The following FJX1 variants were observed in gnomAD, a reference collection of about 807,000 sequenced individuals.
FJX1 encodes the protein four-jointed box protein 1.
Under a neutral mutation model 28.7 loss-of-function variants are expected in FJX1, and 21 were observed. The observed-to-expected ratio is 0.73, with a 90% CI of 0.52 to 1.05. The LOEUF (loss-of-function observed/expected upper bound fraction) is 1.05, where lower values mean the gene tolerates loss of function less well. Ranked by LOEUF, FJX1 falls within the 50% of genes least tolerant of loss-of-function variation. The probability of loss-of-function intolerance (pLI) is 0.00; values close to 1 mark genes in which losing one functional copy is unlikely to be tolerated. For synonymous variants in FJX1, 363 were observed against 310.0 expected (o/e 1.17, Z -1.80); for missense variants, 683 against 647.2 (o/e 1.06, Z -0.60).
Position 35,619,121 on chromosome 11 carries a change from G to A in FJX1, c.485G>A (p.Gly162Glu). Reference sequence around the variant, plus strand: ...GTGGCCCTGGAGCGCGGGGGTTGCGGGCGCAGCTCCAACCGACTGGCCCGT... The same window carrying A: ...GTGGCCCTGGAGCGCGGGGGTTGCGAGCGCAGCTCCAACCGACTGGCCCGT... ...RMVALERGGC[G>E]RSSNRLARFA... is the part of the protein sequence containing the mutation. Residue 162 changes from glycine to glutamate, a missense_variant, in exon 1 of 1, where the codon GGG becomes GAG. Transcript: ENST00000317811. The surrounding 1 kb of genome is among the most constrained non-coding windows in gnomAD (Gnocchi z 7.6). 1 of 1,541,750 alleles carries A rather than the reference G, an allele frequency of 6.5e-7. No homozygotes were observed. Among genetic ancestry groups the A allele is most frequent in the South Asian group, 1.2e-5 (1 of 83,726 alleles).
rs1018244515 is a variant in FJX1, at chr11:35,618,995, G to T, written c.359G>T (p.Gly120Val). ...PRPEESAAVH[G>V]GVFWSRGLEE... is the part of the protein sequence containing the mutation. ...CCGGAGGAGAGCGCCGCGGTGCACGGGGGCGTCTTCTGGAGCCGCGGCCTG... is the reference window on the plus strand; with the variant it reads ...CCGGAGGAGAGCGCCGCGGTGCACGTGGGCGTCTTCTGGAGCCGCGGCCTG... Residue 120 changes from glycine to valine, a missense_variant, in exon 1 of 1, where the codon GGG becomes GTG. Gly to Val is a moderately radical substitution (Grantham distance 109). Coordinates refer to ENST00000317811, the MANE Select transcript of FJX1 (RefSeq NM_014344.4). The surrounding 1 kb of genome is among the most constrained non-coding windows in gnomAD (Gnocchi z 4.2). 10 of 1,476,114 alleles carry T rather than the reference G, an allele frequency of 6.8e-6. No individual in the cohort carries two copies. The Admixed American group carries it at 9.9e-5, about 15-fold the overall frequency. 91.4% of individuals were successfully genotyped at this position (1,476,114 alleles called of 1,614,324 possible).
Position 35,618,919 on chromosome 11 carries a change from C to A in FJX1, c.283C>A (p.Arg95=), listed in dbSNP as rs745681719. The A allele has an allele frequency of 2.1e-6, 3 of 1,422,184 alleles. No homozygotes were observed. In the South Asian group the frequency reaches 4.3e-5, roughly 21 times the overall value. 88.1% of individuals were successfully genotyped at this position (1,422,184 alleles called of 1,614,324 possible). ...GGCGGCCGGCGCGGACGGCCCGCCC[C>A]GGCAGTCCCGGAGCGAGCCCAGGTG... The part of the protein sequence containing the change: ...TLAAGADGPP[R]QSRSEPRWHV... The change falls in exon 1 of 1, where the codon CGG becomes AGG. Residue 95 remains arginine (R), a synonymous_variant. Transcript: ENST00000317811. The surrounding 1 kb of genome is among the most constrained non-coding windows in gnomAD (Gnocchi z 4.2).
chr11:35,619,492 C>T lies in FJX1; in HGVS notation c.856C>T (p.Leu286=), dbSNP rs781345839. 9.4e-6 allele frequency: 15 copies of T among 1,599,380 alleles called. No individual in the cohort carries two copies. The highest frequency in any genetic ancestry group is 8.5e-7 in the Non-Finnish European group (1 of 1,179,744). Residue 286 remains leucine (L), a synonymous_variant, in exon 1 of 1, where the codon CTA becomes TTA. Coordinates refer to ENST00000317811, the MANE Select transcript of FJX1 (RefSeq NM_014344.4). The surrounding 1 kb of genome is among the most constrained non-coding windows in gnomAD (Gnocchi z 7.6). ...ANLSQAELVD[L]VQWTDLILFD... ...CCTCAGCCAGGCGGAGCTGGTGGAC[C>T]TAGTACAATGGACCGACTTAATCCT...
rs1432533951 is a variant in FJX1 at position 35,618,578 on chromosome 11, A to C, written c.-59A>C. ...CTGCCGGGCCCGCCTCGCCGCCGGG[A>C]CCCGGGTGCCTGGGCTCGGCTTGAA... is the stretch of plus-strand genomic sequence containing the variant. On this transcript the variant is annotated 5_prime_UTR_variant, in exon 1 of 1. Coordinates refer to ENST00000317811, the MANE Select transcript of FJX1 (RefSeq NM_014344.4). The surrounding 1 kb of genome is among the most constrained non-coding windows in gnomAD (Gnocchi z 4.2). The C allele has an allele frequency of 2.8e-6, 3 of 1,081,574 alleles. No homozygotes were observed. The highest frequency in any genetic ancestry group is 1.1e-6 in the Non-Finnish European group (1 of 894,094). The allele number at this position is 1,081,574 out of a possible 1,614,324, so 67.0% of individuals were successfully genotyped here.
Position 35,618,962 on chromosome 11 carries a change from A to T in FJX1, c.326A>T (p.Gln109Leu), listed in dbSNP as rs1432732841. The T allele has an allele frequency of 2.7e-6, 4 of 1,472,768 alleles. No individual in the cohort carries two copies. Among genetic ancestry groups the T allele is most frequent in the Non-Finnish European group, 3.6e-6 (4 of 1,120,420 alleles). The allele number at this position is 1,472,768 out of a possible 1,614,324, so 91.2% of individuals were successfully genotyped here. A position where few individuals can be genotyped will look rare whatever the true frequency, so the allele number is the denominator to read the frequency against. The change falls in exon 1 of 1, where the codon CAG becomes CTG. Residue 109 changes from glutamine (Q) to leucine (L), a missense_variant. Gln to Leu is a moderately radical substitution (Grantham distance 113). Transcript: ENST00000317811. The surrounding 1 kb of genome is among the most constrained non-coding windows in gnomAD (Gnocchi z 4.2). The stretch of plus-strand genomic sequence containing the variant: ...CCCAGGTGGCACGTGTCAGCCAGGC[A>T]GCCCCGGCCGGAGGAGAGCGCCGCG... The part of the protein sequence containing the change: ...SEPRWHVSAR[Q>L]PRPEESAAVH...
chr11:35,618,796 G>A lies in FJX1; in HGVS notation c.160G>A (p.Gly54Ser), dbSNP rs561606752. Residue 54 changes from glycine to serine, a missense_variant, in exon 1 of 1, where the codon GGC (glycine) becomes AGC (serine). Coordinates refer to ENST00000317811, the MANE Select transcript of FJX1 (RefSeq NM_014344.4). This position sits in a 1 kb window ranked among gnomAD's most constrained non-coding sequence, Gnocchi z 4.2. The stretch of plus-strand genomic sequence containing the variant: ...ACTCCCACGGCGCCCGGCCCGGAGC[G>A]GCGGCCCCGCGCCCGCGCCTCGCTT... ...DRLPRRPARS[G>S]GPAPAPRFPL... is the part of the protein sequence containing the mutation. 1 of 1,248,838 alleles carries A rather than the reference G, an allele frequency of 8.0e-7. No individual in the cohort carries two copies. The highest frequency in any genetic ancestry group is 1.0e-6 in the Non-Finnish European group (1 of 998,078). The allele number at this position is 1,248,838 out of a possible 1,614,324, so 77.4% of individuals were successfully genotyped here.
Position 35,618,896 on chromosome 11 carries a change from C to G in FJX1, c.260C>G (p.Ala87Gly). 1.4e-6 allele frequency: 2 copies of G among 1,392,128 alleles called. No individual in the cohort carries two copies. Among genetic ancestry groups the G allele is most frequent in the Non-Finnish European group, 1.9e-6 (2 of 1,077,544 alleles). The allele number at this position is 1,392,128 out of a possible 1,614,324, so 86.2% of individuals were successfully genotyped here. A position where few individuals can be genotyped will look rare whatever the true frequency, so the allele number is the denominator to read the frequency against. The change falls in exon 1 of 1, where the codon GCG becomes GGG. Residue 87 changes from alanine (A) to glycine (G), a missense_variant. Coordinates refer to ENST00000317811, the MANE Select transcript of FJX1 (RefSeq NM_014344.4). This position sits in a 1 kb window ranked among gnomAD's most constrained non-coding sequence, Gnocchi z 4.2. ...LKTFRALLTL[A>G]AGADGPPRQS... ...ACTTTCCGGGCGCTGCTCACCCTGGCGGCCGGCGCGGACGGCCCGCCCCGG... is the reference window on the plus strand; with the variant it reads ...ACTTTCCGGGCGCTGCTCACCCTGGGGGCCGGCGCGGACGGCCCGCCCCGG...
At position 35,619,235 on chromosome 11, in the gene FJX1, T is replaced by C; in HGVS notation, c.599T>C (p.Leu200Pro). The C allele has an allele frequency of 1.3e-6, 2 of 1,582,142 alleles. No homozygotes were observed. The highest frequency in any genetic ancestry group is 1.7e-4 in the Middle Eastern group (1 of 5,934). ...GCCCTGTCTTACTATCTGGCGCGCC[T>C]GCTGGGCCTCCAGCGCCACGTGCCG... The part of the protein sequence containing the change: ...GEALSYYLAR[L>P]LGLQRHVPPL... Residue 200 changes from leucine to proline, a missense_variant, in exon 1 of 1, where the codon CTG becomes CCG. Physicochemically the swap from Leu to Pro is moderately conservative, Grantham distance 98. Coordinates refer to ENST00000317811, the MANE Select transcript of FJX1 (RefSeq NM_014344.4). This position sits in a 1 kb window ranked among gnomAD's most constrained non-coding sequence, Gnocchi z 7.6.
chr11:35,619,112 G>C lies in FJX1; in HGVS notation c.476G>C (p.Gly159Ala), dbSNP rs111623657. 6.5e-7 allele frequency: 1 copy of C among 1,531,342 alleles called. No individual in the cohort carries two copies. The highest frequency in any genetic ancestry group is 1.4e-5 in the African/African-American group (1 of 69,868). 94.9% of individuals were successfully genotyped at this position (1,531,342 alleles called of 1,614,324 possible). ...GCCCGGATGGTGGCCCTGGAGCGCG[G>C]GGGTTGCGGGCGCAGCTCCAACCGA... is the stretch of plus-strand genomic sequence containing the variant. ...RGARMVALER[G>A]GCGRSSNRLA... The change falls in exon 1 of 1, where the codon GGG (glycine) becomes GCG (alanine). Residue 159 changes from glycine (G) to alanine (A), a missense_variant. Gly to Ala is a moderately conservative substitution (Grantham distance 60, BLOSUM62 0). Coordinates refer to ENST00000317811, the MANE Select transcript of FJX1 (RefSeq NM_014344.4). The surrounding 1 kb of genome is among the most constrained non-coding windows in gnomAD (Gnocchi z 7.6).
rs1290494348 is a variant in FJX1 at position 35,620,619 on chromosome 11, A to G, written c.*669A>G. On this transcript the variant is annotated 3_prime_UTR_variant, in exon 1 of 1. Coordinates refer to ENST00000317811, the MANE Select transcript of FJX1 (RefSeq NM_014344.4). ...AGGCTACAAATTCAGGGTCAGCTGT[A>G]TGCACTAAGTCAAATAATGAATTTC... 6.0e-6 allele frequency: 1 copy of G among 167,152 alleles called. No homozygotes were observed. Among genetic ancestry groups the G allele is most frequent in the Non-Finnish European group, 1.5e-5 (1 of 68,198 alleles). The allele number at this position is 167,152 out of a possible 1,614,324, so 10.4% of individuals were successfully genotyped here. A position where few individuals can be genotyped will look rare whatever the true frequency, so the allele number is the denominator to read the frequency against.
chr11:35,618,780 G>A lies in FJX1; in HGVS notation c.144G>A (p.Arg48=), dbSNP rs1850854769. The part of the protein sequence containing the change: ...ASRPPEDRLP[R]RPARSGGPAP... ...GGCCGCCCGAAGACCGACTCCCACG[G>A]CGCCCGGCCCGGAGCGGCGGCCCCG... The change falls in exon 1 of 1, where the codon CGG becomes CGA. Residue 48 remains arginine (R), a synonymous_variant. Transcript: ENST00000317811. The surrounding 1 kb of genome is among the most constrained non-coding windows in gnomAD (Gnocchi z 4.2). 2.4e-6 allele frequency: 3 copies of A among 1,254,308 alleles called. No individual in the cohort carries two copies. The highest frequency in any genetic ancestry group is 3.0e-6 in the Non-Finnish European group (3 of 996,714). 77.7% of individuals were successfully genotyped at this position (1,254,308 alleles called of 1,614,324 possible).
rs1850892214 is a variant in FJX1 at position 35,620,783 on chromosome 11, C to T, written c.*833C>T. On this transcript the variant is annotated 3_prime_UTR_variant, in exon 1 of 1. Coordinates refer to ENST00000317811, the MANE Select transcript of FJX1 (RefSeq NM_014344.4). ...AAAAAATTTTATTTTACAGAATTTA[C>T]CTTCTCTGTATATATGTGCATAAAG... is the stretch of plus-strand genomic sequence containing the variant. The T allele has an allele frequency of 1.2e-5, 2 of 166,790 alleles. No homozygotes were observed. 10.3% of individuals were successfully genotyped at this position (166,790 alleles called of 1,614,324 possible).
Position 35,618,678 on chromosome 11 carries a change from CTG to C in FJX1, c.43_44del (p.Trp15AlafsTer259). ...GGGGCGCCGCCGCCACCGCGGGGCT[CTG>C]GCTGCTGGCGCTGGGCTCGCTGCTG... Reference protein sequence around the residue: ...MRGAAATAGLWLLALGSLLAL... With the variant: ...MRGAAATAGLXLLALGSLLAL... On this transcript the variant is annotated frameshift_variant, in exon 1 of 1. Coordinates refer to ENST00000317811, the MANE Select transcript of FJX1 (RefSeq NM_014344.4). LOFTEE classifies it high-confidence loss of function. The surrounding 1 kb of genome is among the most constrained non-coding windows in gnomAD (Gnocchi z 4.2). The C allele has an allele frequency of 8.0e-7, 1 of 1,245,960 alleles. No homozygotes were observed. The highest frequency in any genetic ancestry group is 3.6e-5 in the Admixed American group (1 of 27,808). The allele number at this position is 1,245,960 out of a possible 1,614,324, so 77.2% of individuals were successfully genotyped here. A position where few individuals can be genotyped will look rare whatever the true frequency, so the allele number is the denominator to read the frequency against.
Position 35,619,012 on chromosome 11 carries a change from C to T in FJX1, c.376C>T (p.Arg126Cys). The T allele has an allele frequency of 6.8e-7, 1 of 1,470,222 alleles. No homozygotes were observed. The highest frequency in any genetic ancestry group is 1.3e-5 in the South Asian group (1 of 74,824). 91.1% of individuals were successfully genotyped at this position (1,470,222 alleles called of 1,614,324 possible). A position where few individuals can be genotyped will look rare whatever the true frequency, so the allele number is the denominator to read the frequency against. The change falls in exon 1 of 1, where the codon CGC (arginine) becomes TGC (cysteine). Residue 126 changes from arginine (R) to cysteine (C), a missense_variant. By Grantham distance (180) the Arg-to-Cys change is radical (BLOSUM62 -3). Coordinates refer to ENST00000317811, the MANE Select transcript of FJX1 (RefSeq NM_014344.4). The surrounding 1 kb of genome is among the most constrained non-coding windows in gnomAD (Gnocchi z 7.6). ...AAVHGGVFWS[R>C]GLEEQVPPGF... ...GGTGCACGGGGGCGTCTTCTGGAGC[C>T]GCGGCCTGGAGGAGCAGGTGCCCCC... is the stretch of plus-strand genomic sequence containing the variant.
In FJX1 at chr11:35,619,932, C is replaced by T. The variant is rs966536379; in HGVS notation, c.1296C>T (p.Gly432=). 1.3e-5 allele frequency: 20 copies of T among 1,588,240 alleles called. No homozygotes were observed. The African/African-American group carries it at 2.4e-4, about 19-fold the overall frequency. ...KHILHCKAKY[G]RRSGT ...TTTTGCACTGTAAGGCCAAGTACGG[C>T]CGCCGGTCTGGGACTTAGTGTCACC... The change falls in exon 1 of 1, where the codon GGC becomes GGT. Residue 432 remains glycine (G), a synonymous_variant. Coordinates refer to ENST00000317811, the MANE Select transcript of FJX1 (RefSeq NM_014344.4). The surrounding 1 kb of genome is among the most constrained non-coding windows in gnomAD (Gnocchi z 7.6).
In FJX1 at chr11:35,619,266, GGCAC is replaced by G; in HGVS notation, c.631_634del (p.Ala211TrpfsTer29). The G allele has an allele frequency of 6.4e-7, 1 of 1,566,586 alleles. No homozygotes were observed. Among genetic ancestry groups the G allele is most frequent in the African/African-American group, 1.4e-5 (1 of 73,106 alleles). ...GCCTCCAGCGCCACGTGCCGCCGCT[GGCAC>G]TGGCTCGGGTGGAGGCTCGGGGCGC... On this transcript the variant is annotated frameshift_variant, in exon 1 of 1. Transcript: ENST00000317811. LOFTEE classifies it high-confidence loss of function. This position sits in a 1 kb window ranked among gnomAD's most constrained non-coding sequence, Gnocchi z 7.6.
Position 35,618,717 on chromosome 11 carries a change from A to G in FJX1, c.81A>G (p.Gly27=). 2.4e-6 allele frequency: 3 copies of G among 1,250,810 alleles called. No homozygotes were observed. Among genetic ancestry groups the G allele is most frequent in the Non-Finnish European group, 2.0e-6 (2 of 984,452 alleles). 77.5% of individuals were successfully genotyped at this position (1,250,810 alleles called of 1,614,324 possible). ...TGGGCTCGCTGCTGGCGCTGTGGGGAGGGCTCCTGCCGCCGCGGACCGAGC... is the reference window on the plus strand; with the variant it reads ...TGGGCTCGCTGCTGGCGCTGTGGGGGGGGCTCCTGCCGCCGCGGACCGAGC... ...LALGSLLALW[G]GLLPPRTELP... The change falls in exon 1 of 1, where the codon GGA becomes GGG. Residue 27 remains glycine (G), a synonymous_variant. Transcript: ENST00000317811. The surrounding 1 kb of genome is among the most constrained non-coding windows in gnomAD (Gnocchi z 4.2).
rs1251908568 is a variant in FJX1, at chr11:35,620,601, AAATT to A, written c.*652_*655del. 6.0e-6 allele frequency: 1 copy of A among 167,482 alleles called. No homozygotes were observed. The highest frequency in any genetic ancestry group is 2.4e-5 in the African/African-American group (1 of 41,452). The allele number at this position is 167,482 out of a possible 1,614,324, so 10.4% of individuals were successfully genotyped here. On this transcript the variant is annotated 3_prime_UTR_variant, in exon 1 of 1. Coordinates refer to ENST00000317811, the MANE Select transcript of FJX1 (RefSeq NM_014344.4). ...CTTGTCATTTTGGCCTGAAGGCTAC[AAATT>A]CAGGGTCAGCTGTATGCACTAAGTC...
chr11:35,620,503 CAA>C lies in FJX1; in HGVS notation c.*555_*556del, dbSNP rs1850887604. 1 of 192,810 alleles carries C rather than the reference CAA, an allele frequency of 5.2e-6. No homozygotes were observed. Among genetic ancestry groups the C allele is most frequent in the Admixed American group, 5.9e-5 (1 of 16,970 alleles). The allele number at this position is 192,810 out of a possible 1,614,324, so 11.9% of individuals were successfully genotyped here. A position where few individuals can be genotyped will look rare whatever the true frequency, so the allele number is the denominator to read the frequency against. On this transcript the variant is annotated 3_prime_UTR_variant, in exon 1 of 1. Coordinates refer to ENST00000317811, the MANE Select transcript of FJX1 (RefSeq NM_014344.4). ...AGCAGGGGGACGGCTCGCGATAGGACAAAGAGAGCAGGACCTCCAGACTCTGG... is the reference window on the plus strand; with the variant it reads ...AGCAGGGGGACGGCTCGCGATAGGACAGAGAGCAGGACCTCCAGACTCTGG...
Sources: gnomAD v4.1 joint callset for allele counts on GRCh38, gnomAD v4.1.1 for gene constraint, Gnocchi (gnomAD v3.1) non-coding constraint, MANE v1.5 for transcripts, NCBI Gene and HGNC (gene_info 2026-07-23, HGNC 2026-07-21) for gene names.